The following PTPRT variants were observed in gnomAD, a reference collection of about 807,000 sequenced individuals.
PTPRT encodes protein tyrosine phosphatase receptor type T.
PTPRT carries 56 observed loss-of-function variants against 176.8 expected under a neutral mutation model. The observed-to-expected ratio is 0.32, with a 90% CI of 0.26 to 0.40. The LOEUF (loss-of-function observed/expected upper bound fraction) is 0.40, where lower values mean the gene tolerates loss of function less well. Ranked by LOEUF, PTPRT falls within the 10% of genes least tolerant of loss-of-function variation. PTPRT has a pLI of 1.00. For missense variants in PTPRT, 1,540 were observed against 1,908.2 expected (o/e 0.81, Z 3.60); for synonymous variants, 783 against 739.0 (o/e 1.06, Z -0.96).
intron 1 of PTPRT, among the ~76,000 whole-genome samples, chr20:43,090,965 T>C (rs747227609): frequency 2.0e-5 from 3 of 152,222 alleles, no homozygotes; most frequent in Admixed American, 6.5e-5. Flanking sequence ...GCACAGTGGC[T>C]CACGCCTGTA....
intron 6 of PTPRT, among the ~76,000 whole-genome samples, chr20:42,679,388 C>G (rs2075564292): frequency 6.6e-6 from 1 of 151,996 alleles, no homozygotes; most frequent in African/African-American, 2.4e-5. Context: ...TATCCGCATG[C>G]CTTCCTGGAC....
intron 12 of PTPRT, among the ~76,000 whole-genome samples, chr20:42,305,556 A>G (rs1009005494): frequency 6.6e-6 from 1 of 152,094 alleles, no homozygotes; most frequent in Non-Finnish European, 1.5e-5. Context: ...CACCAAAGAT[A>G]CTTCAAAGTT....
At chr20:42,296,544 A>G (rs1484957720) in intron 12 of PTPRT, among the ~76,000 whole-genome samples, 1 of 152,160 alleles carries the variant, frequency 6.6e-6, no homozygotes, top group East Asian at 1.9e-4. Context: ...TTTTAAAATA[A>G]AAGAGTAAAG....
At chr20:42,696,817 A>C (rs1038747187) in intron 6 of PTPRT, among the ~76,000 whole-genome samples, 6 of 152,110 alleles carry the variant, frequency 3.9e-5, no homozygotes, top group Non-Finnish European at 5.9e-5. Flanking sequence ...TTGGGAGCAG[A>C]TCCTATCCTA....
In PTPRT at chr20:42,110,381, A is replaced by G. The variant is rs1458578686; in HGVS notation, c.3206T>C (p.Val1069Ala). The G allele has an allele frequency of 6.2e-7, 1 of 1,612,474 alleles. No homozygotes were observed. Among genetic ancestry groups the G allele is most frequent in the Non-Finnish European group, 8.5e-7 (1 of 1,178,898 alleles). Reference protein sequence around the residue: ...ATGLLGFVRQVKFLNPPEAGP... With the variant: ...ATGLLGFVRQAKFLNPPEAGP... Reference sequence around the variant, plus strand: ...AGCTTCCGGGGGGTTGAGGAACTTGACCTGGCGGACGAAGCCCAGAAGGCC... The same window carrying G: ...AGCTTCCGGGGGGTTGAGGAACTTGGCCTGGCGGACGAAGCCCAGAAGGCC... Residue 1069 changes from valine (V) to alanine (A), a missense_variant, in exon 23 of 31, where the codon GTC (valine) becomes GCC (alanine). Physicochemically the swap from Val to Ala is moderately conservative, Grantham distance 64. This residue lies in a region of PTPRT where 248 missense variants were observed against 356.7 expected (regional missense o/e 0.70). Coordinates refer to ENST00000373187, the MANE Select transcript of PTPRT (RefSeq NM_007050.6).
intron 6 of PTPRT, among the ~76,000 whole-genome samples, chr20:42,735,047 T>A (rs1270048709): frequency 1.3e-5 from 2 of 152,192 alleles, no homozygotes; most frequent in Admixed American, 6.5e-5. Context: ...AAGTGCTCAA[T>A]AAGGAATTGG....
chr20:42,998,980 G>A (rs1049074970), intron 1 of PTPRT, among the ~76,000 whole-genome samples: 9 of 152,134 alleles, frequency 5.9e-5, no homozygotes, highest in South Asian at 2.1e-4. Flanking sequence ...ACCATTTCCC[G>A]TAATAAATCA....
At chr20:42,917,863 C>T (rs1030051902) in intron 1 of PTPRT, among the ~76,000 whole-genome samples, 3 of 152,160 alleles carry the variant, frequency 2.0e-5, no homozygotes, top group Admixed American at 6.5e-5. Context: ...AAGGAACTTC[C>T]GCTGCTGACA....
intron 1 of PTPRT, among the ~76,000 whole-genome samples, chr20:42,922,143 C>T (rs902347650): frequency 2.0e-5 from 3 of 152,134 alleles, no homozygotes; most frequent in African/African-American, 7.2e-5. Context: ...GCTATATTGG[C>T]CAGGCTGATC....
At chr20:42,085,178 C>T (rs1408575553) in intron 28 of PTPRT, among the ~76,000 whole-genome samples, 2 of 152,180 alleles carry the variant, frequency 1.3e-5, no homozygotes, top group Non-Finnish European at 2.9e-5. Context: ...ACATGTCTCA[C>T]TGTCTCAGTG....
At chr20:42,424,200 A>G (rs540697444) in intron 9 of PTPRT, among the ~76,000 whole-genome samples, 45 of 152,194 alleles carry the variant, frequency 3.0e-4, no homozygotes, top group African/African-American at 8.4e-4. Flanking sequence ...GACTTTGGAC[A>G]CTCAAGTTTT....
intron 12 of PTPRT, among the ~76,000 whole-genome samples, chr20:42,293,996 A>C (rs1275986956): frequency 6.6e-6 from 1 of 152,220 alleles, no homozygotes; most frequent in Non-Finnish European, 1.5e-5. Context: ...CAAAATCCAC[A>C]ATTTCAGCAT....
chr20:42,063,831 T>C, the PTPRT span: 2 of 152,230 alleles, frequency 1.3e-5, no homozygotes, highest in South Asian at 2.1e-4. Flanking sequence ...AGCCCAACTT[T>C]ATTGGTAAAA....
chr20:42,760,785 C>A (rs1458590092), intron 5 of PTPRT, among the ~76,000 whole-genome samples: 1 of 152,148 alleles, frequency 6.6e-6, no homozygotes, highest in African/African-American at 2.4e-5. Context: ...AATTCTAGGG[C>A]TGATATCCAC....
intron 1 of PTPRT, among the ~76,000 whole-genome samples, chr20:43,062,723 G>A (rs923297429): frequency 6.6e-6 from 1 of 152,342 alleles, no homozygotes; most frequent in South Asian, 2.1e-4. Context: ...ACCTGAACAT[G>A]GTTGACAGTT....
chr20:42,210,362 C>G (rs1383449052), intron 15 of PTPRT, among the ~76,000 whole-genome samples: 6 of 151,918 alleles, frequency 3.9e-5, no homozygotes, highest in African/African-American at 1.5e-4. Flanking sequence ...CAAATTGTCC[C>G]TGTTTGCAGA....
chr20:42,590,601 G>A (rs1188787947), intron 7 of PTPRT, among the ~76,000 whole-genome samples: 3 of 152,058 alleles, frequency 2.0e-5, no homozygotes, highest in Admixed American at 6.6e-5. Context: ...ACCAGGCTTC[G>A]GGAATGTAAC....
At position 42,098,498 on chromosome 20, in the gene PTPRT, C is replaced by G; in HGVS notation, c.3769G>C (p.Val1257Leu). ...VVTQHPLPNT[V>L]ADFWRLVFDY... ...AACACCAGCCTCCAGAAGTCTGCCACGGTGTTGGGTAGAGGGTGCTGGGTG... is the reference window on the plus strand; with the variant it reads ...AACACCAGCCTCCAGAAGTCTGCCAGGGTGTTGGGTAGAGGGTGCTGGGTG... Residue 1257 changes from valine to leucine, a missense_variant, in exon 27 of 31, where the codon GTG becomes CTG. By Grantham distance (32) the Val-to-Leu change is conservative (BLOSUM62 1). Coordinates refer to ENST00000373187, the MANE Select transcript of PTPRT (RefSeq NM_007050.6). 1 of 1,614,194 alleles carries G rather than the reference C, an allele frequency of 6.2e-7. No individual in the cohort carries two copies. The highest frequency in any genetic ancestry group is 1.1e-5 in the South Asian group (1 of 91,080).
chr20:42,494,763 T>C (rs1471089767), intron 7 of PTPRT, among the ~76,000 whole-genome samples: 2 of 124,886 alleles, frequency 1.6e-5, no homozygotes, highest in East Asian at 1.9e-4. Flanking sequence ...AGCTGGCATA[T>C]AATAAGTAGT....
Sources: allele counts gnomAD v4.1 joint callset (sites outside exome capture counted in the v4.1 genomes callset), GRCh38; gene constraint gnomAD v4.1.1; regional missense constraint gnomAD v4.1.1; transcripts MANE v1.5; gene names NCBI Gene and HGNC (gene_info 2026-07-23, HGNC 2026-07-21).